The following RAD51B variants were observed in gnomAD, a reference collection of about 807,000 sequenced individuals.
RAD51B encodes the protein DNA repair protein RAD51 homolog 2.
RAD51B carries 38 observed loss-of-function variants against 42.2 expected under a neutral mutation model. The observed-to-expected ratio is 0.90, with a 90% confidence interval of 0.70 to 1.18. The LOEUF (loss-of-function observed/expected upper bound fraction) is 1.18. Ranked by LOEUF, RAD51B falls within the 50% of genes most tolerant of loss-of-function variation. RAD51B has a pLI of 0.00. For synonymous variants in RAD51B, 154 were observed against 145.2 expected (o/e 1.06, Z -0.43); for missense variants, 373 against 400.7 (o/e 0.93, Z 0.59).
intron 8 of RAD51B, among the ~76,000 whole-genome samples, chr14:68,396,760 ACT>A (rs562122928): frequency 9.1e-4 from 139 of 152,268 alleles, no homozygotes; most frequent in Non-Finnish European, 1.7e-3. Flanking sequence ...GGCCCAAATG[ACT>A]CTGAATAAGA....
At chr14:68,375,304 T>C (rs926737682) in intron 8 of RAD51B, among the ~76,000 whole-genome samples, 1 of 152,124 alleles carries the variant, frequency 6.6e-6, no homozygotes, top group Non-Finnish European at 1.5e-5. Flanking sequence ...GCTCTGGAGT[T>C]GTGGTTTCCA....
At chr14:67,824,682 G>C (rs550794554) in intron 2 of RAD51B, among the ~76,000 whole-genome samples, 3 of 151,544 alleles carry the variant, frequency 2.0e-5, no homozygotes, top group Admixed American at 2.0e-4. Flanking sequence ...ATTTATACTC[G>C]GAAACATTCT....
intron 10 of RAD51B, among the ~76,000 whole-genome samples, chr14:68,633,835 G>A (rs145742754): frequency 2.0e-5 from 3 of 152,314 alleles, no homozygotes; most frequent in African/African-American, 7.2e-5. Context: ...TTTTGGCCAG[G>A]GCTGTTTGGA....
chr14:68,611,778 C>T (rs1276658775), downstream of RAD51B, among the ~76,000 whole-genome samples: 1 of 152,200 alleles, frequency 6.6e-6, no homozygotes, highest in African/African-American at 2.4e-5. Context: ...CTCAGGACTC[C>T]CACCAGATTA....
At chr14:68,201,586 AG>A (rs2079486192) in intron 7 of RAD51B, among the ~76,000 whole-genome samples, 1 of 152,228 alleles carries the variant, frequency 6.6e-6, no homozygotes, top group Non-Finnish European at 1.5e-5. Context: ...ACCATTAGCA[AG>A]TAAGTCACCT....
chr14:67,926,346 G>C (rs767251158), intron 7 of RAD51B, among the ~76,000 whole-genome samples: 85 of 152,080 alleles, frequency 5.6e-4, no homozygotes, highest in Non-Finnish European at 1.0e-3. Flanking sequence ...CAAATCTCTA[G>C]GGCAGGGGCA....
chr14:68,208,142 C>T (rs2079632517), intron 7 of RAD51B, among the ~76,000 whole-genome samples: 1 of 151,766 alleles, frequency 6.6e-6, no homozygotes, highest in Admixed American at 6.6e-5. Context: ...AACATATTTC[C>T]TCATCCCCCA....
rs562467534 is a variant in RAD51B at position 68,410,910 on chromosome 14, C to G, written c.854-514C>G. On this transcript the variant is annotated intron_variant, in intron 8 of 10. Coordinates refer to ENST00000471583, the MANE Select transcript of RAD51B (RefSeq NM_133510.4). ...CAGCTTACCTATGAAATGCTGAGAT[C>G]TTCTAGATTCCTTTTTTTGCGTTGT... Among the ~76,000 whole-genome samples, 32 of 150,484 alleles carry G rather than the reference C, an allele frequency of 2.1e-4. No individual in the cohort carries two copies. In the South Asian group the frequency reaches 4.0e-3, roughly 19 times the overall value.
At chr14:68,371,742 T>C (rs1245637525) in intron 8 of RAD51B, among the ~76,000 whole-genome samples, 3 of 152,226 alleles carry the variant, frequency 2.0e-5, no homozygotes, top group Admixed American at 6.5e-5. Flanking sequence ...TCCCAGCTAC[T>C]TGGGGGGCTG....
At chr14:68,321,355 T>A (rs927163317) in intron 8 of RAD51B, among the ~76,000 whole-genome samples, 24 of 152,178 alleles carry the variant, frequency 1.6e-4, no homozygotes, top group African/African-American at 4.8e-4. Flanking sequence ...CCTTCCCACT[T>A]AGGGTCTAAT....
intron 8 of RAD51B, among the ~76,000 whole-genome samples, chr14:68,391,975 A>G (rs919568610): frequency 2.7e-4 from 41 of 152,228 alleles, no homozygotes; most frequent in Middle Eastern, 3.4e-3. Flanking sequence ...TCTCTCTCCA[A>G]CTCACTTTAT....
downstream of RAD51B, among the ~76,000 whole-genome samples, chr14:68,614,918 C>A (rs1891794367): frequency 6.6e-6 from 1 of 152,160 alleles, no homozygotes; most frequent in South Asian, 2.1e-4. Flanking sequence ...ACCTAGCTTT[C>A]TTGGAGTGCA....
intron 10 of RAD51B, among the ~76,000 whole-genome samples, chr14:68,547,003 T>G (rs1157368105): frequency 6.6e-6 from 1 of 152,246 alleles, no homozygotes; most frequent in East Asian, 1.9e-4. Context: ...CTGAATGGTC[T>G]GCCTATTTCA....
chr14:67,859,994 G>A (rs1026423285), intron 4 of RAD51B, among the ~76,000 whole-genome samples: 2 of 152,038 alleles, frequency 1.3e-5, no homozygotes, highest in African/African-American at 4.8e-5. Context: ...CTAATTTTTT[G>A]TATTTTTAGT....
In RAD51B at chr14:68,332,168, A is replaced by T. The variant is rs559474358; in HGVS notation, c.853+40188A>T. On this transcript the variant is annotated intron_variant, in intron 8 of 10. Transcript: ENST00000471583. ...ACCCTGTCTTGTTGAAAGATTCAGG[A>T]TATCAGATTCTCTCCCATAATTTCC... Among the ~76,000 whole-genome samples, 42 of 152,298 alleles carry T rather than the reference A, an allele frequency of 2.8e-4. 2 individuals carry two copies. In the South Asian group the frequency reaches 6.4e-3, roughly 23 times the overall value.
chr14:68,020,298 C>T (rs1220959112), intron 7 of RAD51B, among the ~76,000 whole-genome samples: 1 of 151,794 alleles, frequency 6.6e-6, no homozygotes, highest in Admixed American at 6.6e-5. Context: ...TTTCGTAGAG[C>T]CCAGGGTTTC....
At chr14:68,574,568 C>T (rs1889876185) in intron 10 of RAD51B, among the ~76,000 whole-genome samples, 1 of 152,164 alleles carries the variant, frequency 6.6e-6, no homozygotes, top group Non-Finnish European at 1.5e-5. Context: ...TGTATAGGGG[C>T]ACCCAGAGGG....
intron 4 of RAD51B, among the ~76,000 whole-genome samples, chr14:67,839,353 T>C (rs1194175410): frequency 6.6e-6 from 1 of 152,134 alleles, no homozygotes; most frequent in Non-Finnish European, 1.5e-5. Flanking sequence ...TTCAATTCCT[T>C]TAATGATTAT....
intron 8 of RAD51B, among the ~76,000 whole-genome samples, chr14:68,299,300 C>T (rs866835126): frequency 2.0e-5 from 3 of 152,164 alleles, no homozygotes; most frequent in Middle Eastern, 3.4e-3. Flanking sequence ...GCAGTTGGCC[C>T]TCCTTATCCA....
Sources: gnomAD v4.1 joint callset for allele counts (sites outside exome capture counted in the v4.1 genomes callset) on GRCh38, gnomAD v4.1.1 for gene constraint, MANE v1.5 for transcripts, NCBI Gene and HGNC (gene_info 2026-07-23, HGNC 2026-07-21) for gene names.